The following TRAF3IP1 variants were observed in gnomAD, a reference collection of about 807,000 sequenced individuals.
TRAF3IP1 encodes intraflagellar transport 54.
Under a neutral mutation model 89.9 loss-of-function variants are expected in TRAF3IP1, and 53 were observed. The observed-to-expected ratio is 0.59, with a 90% CI of 0.47 to 0.74. The LOEUF (loss-of-function observed/expected upper bound fraction) is 0.74, where lower values mean the gene tolerates loss of function less well. Among genes scored for constraint, TRAF3IP1 ranks in the 30% least tolerant of loss-of-function variants. The probability of loss-of-function intolerance (pLI) is 0.00; values close to 1 mark genes in which losing one functional copy is unlikely to be tolerated. For synonymous variants in TRAF3IP1, 311 were observed against 322.1 expected (o/e 0.97, Z 0.37); for missense variants, 806 against 866.1 (o/e 0.93, Z 0.87).
chr2:238,377,810 C>G (rs946619294), intron 15 of TRAF3IP1, among the ~76,000 whole-genome samples: 1 of 152,160 alleles, frequency 6.6e-6, no homozygotes, highest in African/African-American at 2.4e-5. Context: ...GTAAAACCAC[C>G]TGAGCTTGGT....
chr2:238,351,571 G>A lies in TRAF3IP1; in HGVS notation c.1452-1256G>A, dbSNP rs897655157. Among the ~76,000 whole-genome samples, 21 of 152,114 alleles carry A rather than the reference G, an allele frequency of 1.4e-4. 1 individual carries two copies. The highest frequency in any genetic ancestry group is 7.4e-5 in the Non-Finnish European group (5 of 68,008). On this transcript the variant is annotated intron_variant, in intron 12 of 16. Transcript: ENST00000373327. The surrounding 1 kb of genome is among the most constrained non-coding windows in gnomAD (Gnocchi z 5.2). ...GCACAGGGGCGCAGGTGTTGAGGAG[G>A]TGGATCGTGGGCCACAGTGAGGGTG...
chr2:238,338,389 A>C lies in TRAF3IP1; in HGVS notation c.1091A>C (p.Lys364Thr). The change falls in exon 8 of 17, where the codon AAA (lysine) becomes ACA (threonine). Residue 364 changes from lysine (K) to threonine (T), a missense_variant. By Grantham distance (78) the Lys-to-Thr change is moderately conservative. Transcript: ENST00000373327. ...EGRKEDNISA[K>T]SLDSIVSGIN... ...AGGAAGGAGGATAATATTTCAGCTA[A>C]AAGTTTAGACTCCATAGTGTCTGGA... The C allele has an allele frequency of 6.3e-7, 1 of 1,593,816 alleles. No individual in the cohort carries two copies. Among genetic ancestry groups the C allele is most frequent in the South Asian group, 1.1e-5 (1 of 87,438 alleles).
intron 15 of TRAF3IP1, among the ~76,000 whole-genome samples, chr2:238,389,330 GTGAA>G (rs543119434): frequency 1.7e-3 from 265 of 152,242 alleles, no homozygotes; most frequent in African/African-American, 6.2e-3. Context: ...TCACCCAGTA[GTGAA>G]TGTTGCACCC....
chr2:238,354,530 A>G (rs986511256), intron 14 of TRAF3IP1, among the ~76,000 whole-genome samples: 2 of 152,188 alleles, frequency 1.3e-5, no homozygotes, highest in Non-Finnish European at 2.9e-5. Flanking sequence ...GGCTGTCCCC[A>G]TGCTTTATGA....
intron 15 of TRAF3IP1, among the ~76,000 whole-genome samples, chr2:238,394,398 C>T (rs1014588419): frequency 6.6e-6 from 1 of 152,138 alleles, no homozygotes; most frequent in African/African-American, 2.4e-5. Flanking sequence ...TTTACTGTGT[C>T]CTGTCTTCCA....
At chr2:238,358,752 G>C (rs916104546) in intron 15 of TRAF3IP1, among the ~76,000 whole-genome samples, 1 of 152,194 alleles carries the variant, frequency 6.6e-6, no homozygotes, top group Non-Finnish European at 1.5e-5. Context: ...ACATGTAGAT[G>C]TAGTTTATTC....
rs951564312 is a variant in TRAF3IP1, at chr2:238,329,288, C to A, written c.861C>A (p.His287Gln). 2 of 1,475,086 alleles carry A rather than the reference C, an allele frequency of 1.4e-6. No homozygotes were observed. The highest frequency in any genetic ancestry group is 2.8e-5 in the African/African-American group (2 of 70,726). 91.4% of individuals were successfully genotyped at this position (1,475,086 alleles called of 1,614,324 possible). A position where few individuals can be genotyped will look rare whatever the true frequency, so the allele number is the denominator to read the frequency against. The change falls in exon 5 of 17, where the codon CAC becomes CAA. Residue 287 changes from histidine to glutamine, a missense_variant. Coordinates refer to ENST00000373327, the MANE Select transcript of TRAF3IP1 (RefSeq NM_015650.4). ...GACGGAGAGTGAAAAACGGGGAGCA[C>A]TCCTGGGACCTGGACAGGGAGAAGA... The part of the protein sequence containing the change: ...RDRRRVKNGE[H>Q]SWDLDREKNR...
intron 13 of TRAF3IP1, 90 bp from the exon 14 acceptor site, chr2:238,353,083 T>C: frequency 1.3e-6 from 2 of 1,574,712 alleles, no homozygotes; most frequent in Non-Finnish European, 1.7e-6. Context: ...TTCGTTAATT[T>C]TGTTGTTCTT....
chr2:238,338,430 A>C lies in TRAF3IP1; in HGVS notation c.1132A>C (p.Asn378His). ...SIVSGINNEP[N>H]QETTTSEIGT... ...AGTGTCTGGAATAAATAATGAGCCA[A>C]ATCAGGAAACGACAACATCAGAAAT... Residue 378 changes from asparagine to histidine, a missense_variant, in exon 8 of 17, where the codon AAT becomes CAT. Physicochemically the swap from Asn to His is moderately conservative, Grantham distance 68. Transcript: ENST00000373327. 6.3e-7 allele frequency: 1 copy of C among 1,596,684 alleles called. No individual in the cohort carries two copies. The highest frequency in any genetic ancestry group is 2.2e-5 in the East Asian group (1 of 44,694).
At chr2:238,381,141 ATTT>A (rs148374609) in intron 15 of TRAF3IP1, among the ~76,000 whole-genome samples, 1 of 133,094 alleles carries the variant, frequency 7.5e-6, no homozygotes. Context: ...TTATTTATTT[ATTT>A]TTTTTTTTTT....
intron 15 of TRAF3IP1, among the ~76,000 whole-genome samples, chr2:238,367,958 A>G (rs1220709340): frequency 6.6e-6 from 1 of 151,322 alleles, no homozygotes; most frequent in East Asian, 1.9e-4. Context: ...CTTAAATTCC[A>G]TATTTCTTCA....
At chr2:238,353,709 T>C (rs1699279855) in intron 14 of TRAF3IP1, among the ~76,000 whole-genome samples, 1 of 152,164 alleles carries the variant, frequency 6.6e-6, no homozygotes, top group African/African-American at 2.4e-5. Flanking sequence ...CTGGCACCTA[T>C]CACAGGTGAG....
rs117947944 is a variant in TRAF3IP1 at position 238,393,491 on chromosome 2, G to T, written c.1690-3968G>T. 6.6e-4 allele frequency among the ~76,000 whole-genome samples: 101 copies of T among 152,238 alleles called. No individual in the cohort carries two copies. In the East Asian group the frequency reaches 0.019, roughly 29 times the overall value. ...GCTCATTCTGTGACTTACCTTTGCGGCTTCTTCCCAGGGTCTTTCGCAGAG... is the reference window on the plus strand; with the variant it reads ...GCTCATTCTGTGACTTACCTTTGCGTCTTCTTCCCAGGGTCTTTCGCAGAG... On this transcript the variant is annotated intron_variant, in intron 15 of 16. Transcript: ENST00000373327.
chr2:238,364,884 A>T (rs1431509530), intron 15 of TRAF3IP1, among the ~76,000 whole-genome samples: 1 of 152,170 alleles, frequency 6.6e-6, no homozygotes, highest in Non-Finnish European at 1.5e-5. Context: ...TTTGACCTGC[A>T]TATATGTTTT....
intron 15 of TRAF3IP1, among the ~76,000 whole-genome samples, chr2:238,378,519 T>C (rs1700413307): frequency 6.6e-6 from 1 of 152,216 alleles, no homozygotes; most frequent in Non-Finnish European, 1.5e-5. Context: ...CTGGCCATCA[T>C]CTATTATTTA....
intron 15 of TRAF3IP1, among the ~76,000 whole-genome samples, chr2:238,359,973 A>G (rs1433299873): frequency 6.6e-6 from 1 of 152,214 alleles, no homozygotes; most frequent in Non-Finnish European, 1.5e-5. Flanking sequence ...GTTAAATAAA[A>G]TAAGGGTTAC....
chr2:238,376,250 A>T (rs898124334), intron 15 of TRAF3IP1, among the ~76,000 whole-genome samples: 1 of 152,228 alleles, frequency 6.6e-6, no homozygotes, highest in African/African-American at 2.4e-5. Flanking sequence ...GCAAAATATT[A>T]TCCTTTAACT....
At chr2:238,369,524 A>G (rs1458989721) in intron 15 of TRAF3IP1, among the ~76,000 whole-genome samples, 2 of 152,050 alleles carry the variant, frequency 1.3e-5, no homozygotes, top group African/African-American at 4.8e-5. Flanking sequence ...CAGTACAGCT[A>G]TTTTCCTGAC....
At chr2:238,339,132 G>A (rs954319618) in intron 8 of TRAF3IP1, among the ~76,000 whole-genome samples, 2 of 152,226 alleles carry the variant, frequency 1.3e-5, no homozygotes, top group African/African-American at 2.4e-5. Flanking sequence ...GTTCTGGAGC[G>A]TAGCTGGAAT....
Sources: allele counts gnomAD v4.1 joint callset (sites outside exome capture counted in the v4.1 genomes callset), GRCh38; gene constraint gnomAD v4.1.1; non-coding constraint Gnocchi (gnomAD v3.1); transcripts MANE v1.5; gene names NCBI Gene and HGNC (gene_info 2026-07-23, HGNC 2026-07-21).